SRGAP2: variants seen among roughly 807,000 people sequenced by gnomAD.
SRGAP2 encodes the protein SLIT-ROBO Rho GTPase activating protein 2, also known as SLIT-ROBO Rho GTPase-activating protein 2.
Under a neutral mutation model 57.2 loss-of-function variants are expected in SRGAP2, and 15 were observed. That is an observed-to-expected ratio of 0.26 (90% CI 0.18 to 0.40). The LOEUF (loss-of-function observed/expected upper bound fraction) is 0.40, where lower values mean the gene tolerates loss of function less well. SRGAP2 is among the 10% of genes least tolerant of loss of function. The pLI is 1.00. For missense variants in SRGAP2, 520 were observed against 669.6 expected (o/e 0.78, Z 2.47); for synonymous variants, 249 against 248.0 (o/e 1.00, Z -0.04).
Position 206,267,641 on chromosome 1 carries a change from A to G in SRGAP2, c.68-35640A>G, listed in dbSNP as rs1292227372. On this transcript the variant is annotated intron_variant, in intron 2 of 22. Transcript: ENST00000573034. ...TAACAAAATAATTTGAAACTAAGAG[A>G]TGTAATAAATAATAGAAACAGATCC... 2.0e-5 allele frequency among the ~76,000 whole-genome samples: 3 copies of G among 152,216 alleles called. No homozygotes were observed. In the East Asian group the frequency reaches 5.8e-4, roughly 29 times the overall value.
At chr1:206,208,713 T>TA (rs1186645124) in intron 2 of SRGAP2, among the ~76,000 whole-genome samples, 1 of 152,104 alleles carries the variant, frequency 6.6e-6, no homozygotes, top group Non-Finnish European at 1.5e-5. Flanking sequence ...TTATTATGAG[T>TA]GTCAGCTTTT....
At chr1:206,204,015 GCCT>G (rs1665625527) in intron 1 of SRGAP2, 1 of 991,274 alleles carries the variant, frequency 1.0e-6, no homozygotes, top group South Asian at 1.6e-5. Context: ...TCATCGGCCG[GCCT>G]CCTCCAGTGT....
chr1:206,355,078 A>G (rs1377292926), intron 4 of SRGAP2, among the ~76,000 whole-genome samples: 23 of 152,192 alleles, frequency 1.5e-4, no homozygotes, highest in African/African-American at 5.3e-4. Context: ...AGGCCATGTT[A>G]AAGATTTAAT....
At chr1:206,278,936 G>C (rs1356388318) in intron 2 of SRGAP2, among the ~76,000 whole-genome samples, 1 of 150,440 alleles carries the variant, frequency 6.6e-6, no homozygotes, top group Non-Finnish European at 1.5e-5. Context: ...AGGTCAGAGA[G>C]GAGAGGGTGA....
intron 5 of SRGAP2, among the ~76,000 whole-genome samples, chr1:206,388,228 C>A (rs868967162): frequency 0.021 from 3,191 of 152,122 alleles, 111 homozygotes; most frequent in African/African-American, 0.07. Context: ...CTGTACTCCC[C>A]CTAAATTTAC....
intron 2 of SRGAP2, among the ~76,000 whole-genome samples, chr1:206,228,695 A>T (rs549982638): frequency 6.8e-4 from 103 of 151,824 alleles, no homozygotes; most frequent in African/African-American, 2.0e-3. Context: ...TCCTTCTCAT[A>T]GATCTGAGAT....
chr1:206,256,551 A>C (rs1420598310), intron 2 of SRGAP2, among the ~76,000 whole-genome samples: 3 of 148,762 alleles, frequency 2.0e-5, no homozygotes, highest in Non-Finnish European at 4.4e-5. Context: ...TGACAGGGAG[A>C]ATGTAGACAC....
At chr1:206,376,138 G>A (rs1655179631) in intron 4 of SRGAP2, among the ~76,000 whole-genome samples, 1 of 151,160 alleles carries the variant, frequency 6.6e-6, no homozygotes, top group Admixed American at 6.6e-5. Context: ...GGAATAGAAG[G>A]TAATTGTATC....
intron 3 of SRGAP2, among the ~76,000 whole-genome samples, chr1:206,309,462 A>G (rs1479693261): frequency 6.9e-6 from 1 of 145,946 alleles, no homozygotes; most frequent in Non-Finnish European, 1.5e-5. Flanking sequence ...ACAAAGTAAG[A>G]GCAAAAAAAA....
At chr1:206,440,506 G>T (rs1662186152) in intron 17 of SRGAP2, among the ~76,000 whole-genome samples, 1 of 152,006 alleles carries the variant, frequency 6.6e-6, no homozygotes, top group African/African-American at 2.4e-5. Flanking sequence ...CAGAGTCATG[G>T]TAATAGCGAG....
intron 7 of SRGAP2, among the ~76,000 whole-genome samples, chr1:206,400,220 C>G (rs2103133150): frequency 6.6e-6 from 1 of 152,102 alleles, no homozygotes; most frequent in South Asian, 2.1e-4. Flanking sequence ...ACCCGGACCT[C>G]AGAGCTGCTT....
chr1:206,453,239 T>G lies in SRGAP2; in HGVS notation c.2219T>G (p.Val740Gly). The G allele has an allele frequency of 1.6e-6, 1 of 640,446 alleles. No homozygotes were observed. The highest frequency in any genetic ancestry group is 2.9e-6 in the Non-Finnish European group (1 of 341,084). 39.7% of individuals were successfully genotyped at this position (640,446 alleles called of 1,614,324 possible). ...PIEAIAKFDY[V>G]GRTARELSFK... ...GAGGCCATTGCCAAGTTTGACTACGTGGGCCGGACAGCCCGAGAGCTATCC... is the reference window on the plus strand; with the variant it reads ...GAGGCCATTGCCAAGTTTGACTACGGGGGCCGGACAGCCCGAGAGCTATCC... Residue 740 changes from valine to glycine, a missense_variant, in exon 20 of 23, where the codon GTG becomes GGG. Transcript: ENST00000573034.
intron 2 of SRGAP2, among the ~76,000 whole-genome samples, chr1:206,267,254 C>A (rs1669918752): frequency 6.6e-6 from 1 of 152,230 alleles, no homozygotes; most frequent in Non-Finnish European, 1.5e-5. Flanking sequence ...AGGCATGAGC[C>A]ACCACGCCCG....
chr1:206,209,844 A>G (rs1666196613), intron 2 of SRGAP2, among the ~76,000 whole-genome samples: 1 of 142,834 alleles, frequency 7.0e-6, no homozygotes, highest in Non-Finnish European at 1.5e-5. Flanking sequence ...TCATCTCTAG[A>G]TTACTTATAA....
intron 3 of SRGAP2, among the ~76,000 whole-genome samples, chr1:206,332,399 A>T (rs1264136893): frequency 4.1e-5 from 6 of 145,884 alleles, no homozygotes; most frequent in Non-Finnish European, 9.0e-5. Flanking sequence ...TATCCTGCAG[A>T]GTGTTTTCCA....
At chr1:206,240,547 T>C (rs1355174267) in intron 2 of SRGAP2, among the ~76,000 whole-genome samples, 2 of 152,150 alleles carry the variant, frequency 1.3e-5, no homozygotes, top group African/African-American at 4.8e-5. Context: ...TGGATGTCAC[T>C]CTTCTTTAGT....
At chr1:206,203,787 TC>T (rs1665564023) in intron 1 of SRGAP2, 137 bp downstream of exon 1, 1 of 1,524,514 alleles carries the variant, frequency 6.6e-7, no homozygotes, top group Non-Finnish European at 8.8e-7. Context: ...CCGCCCGGAA[TC>T]CCTCAGACCG....
chr1:206,457,064 T>C (rs1553378716), intron 21 of SRGAP2, among the ~76,000 whole-genome samples: 1 of 152,122 alleles, frequency 6.6e-6, no homozygotes, highest in African/African-American at 2.4e-5. Context: ...CCCCACCAGA[T>C]TGAGCTCCTT....
chr1:206,253,573 C>CTTTTTTTTTTTTT (rs71264673), intron 2 of SRGAP2, among the ~76,000 whole-genome samples: 10 of 101,662 alleles, frequency 9.8e-5, no homozygotes, highest in Non-Finnish European at 1.7e-4. Context: ...TTCTTTCTTT[C>CTTTTTTTTTTTTT]TTTTTTTTTT....
Sources: gnomAD v4.1 joint callset for allele counts (sites outside exome capture counted in the v4.1 genomes callset) on GRCh38, gnomAD v4.1.1 for gene constraint, MANE v1.5 for transcripts, NCBI Gene and HGNC (gene_info 2026-07-23, HGNC 2026-07-21) for gene names.